Variants in SHANK2 observed in about 807,000 individuals in gnomAD.
SHANK2 encodes SH3 and multiple ankyrin repeat domains 2, also known as SH3 and multiple ankyrin repeat domains protein 2.
Under a neutral mutation model 133.7 loss-of-function variants are expected in SHANK2, and 43 were observed. The ratio of observed to expected loss-of-function variants is 0.32; its 90% CI spans 0.25 to 0.41. SHANK2 has a LOEUF of 0.41. SHANK2 is among the 10% of genes least tolerant of loss of function. SHANK2 has a pLI of 1.00. For synonymous variants in SHANK2, 1,017 were observed against 952.8 expected (o/e 1.07, Z -1.24); for missense variants, 1,994 against 2,235.8 (o/e 0.89, Z 2.18).
intron 17 of SHANK2, among the ~76,000 whole-genome samples, chr11:70,589,685 A>T (rs1243667508): frequency 7.2e-5 from 11 of 152,236 alleles, no homozygotes; most frequent in Non-Finnish European, 1.6e-4. Context: ...CCTTCTGGAA[A>T]GGATTCACCA....
rs77483217 is a variant in SHANK2 at position 70,640,604 on chromosome 11, C to T, written c.2061+19224G>A. Reference sequence around the variant, plus strand: ...GAGAGGACTGCACGAAGCTGAGGCCCGAGCCCTGACCTGGGATCACAGGCA... The same window carrying T: ...GAGAGGACTGCACGAAGCTGAGGCCTGAGCCCTGACCTGGGATCACAGGCA... On this transcript the variant is annotated intron_variant, in intron 17 of 25. Transcript: ENST00000601538. Among the ~76,000 whole-genome samples, 130 of 152,358 alleles carry T rather than the reference C, an allele frequency of 8.5e-4. No individual in the cohort carries two copies. In the East Asian group the frequency reaches 0.022, roughly 26 times the overall value.
chr11:70,784,343 GTTTTTTTT>G (rs71049942), intron 14 of SHANK2, among the ~76,000 whole-genome samples: 15 of 42,846 alleles, frequency 3.5e-4, no homozygotes, highest in Admixed American at 4.7e-4. Flanking sequence ...ACACCGGCTA[GTTTTTTTT>G]TTTTTTTTTT....
rs573362949 is a variant in SHANK2 at position 70,551,430 on chromosome 11, C to T, written c.2062-48499G>A. Among the ~76,000 whole-genome samples, 370 of 151,434 alleles carry T rather than the reference C, an allele frequency of 2.4e-3. 1 individual carries two copies. The highest frequency in any genetic ancestry group is 6.6e-3 in the Admixed American group (100 of 15,204). On this transcript the variant is annotated intron_variant, in intron 17 of 25. Coordinates refer to ENST00000601538, the MANE Select transcript of SHANK2 (RefSeq NM_012309.5). ...TTGTGGGCAGAATTCTCAAAACATT[C>T]CTACCACATGCAGAATGTCACACCT... is the stretch of plus-strand genomic sequence containing the variant.
chr11:70,933,685 C>T (rs1239057161), intron 10 of SHANK2, among the ~76,000 whole-genome samples: 1 of 151,844 alleles, frequency 6.6e-6, no homozygotes, highest in African/African-American at 2.4e-5. Flanking sequence ...TTTGGGAGGC[C>T]GAGGCGGATG....
chr11:70,935,002 G>A (rs553916007), intron 10 of SHANK2, among the ~76,000 whole-genome samples: 2 of 152,290 alleles, frequency 1.3e-5, no homozygotes, highest in African/African-American at 2.4e-5. Context: ...CTCTCTCCAC[G>A]GGTAAACGGC....
intron 2 of SHANK2, 86 bp downstream of exon 2, chr11:71,224,611 A>G (rs886434567): frequency 6.6e-6 from 1 of 152,300 alleles, no homozygotes; most frequent in Non-Finnish European, 1.5e-5. Flanking sequence ...CCCTGGCCAC[A>G]GTGCAAAGGT....
At chr11:70,910,991 C>T (rs1297432169) in intron 10 of SHANK2, 1 of 457,108 alleles carries the variant, frequency 2.2e-6, no homozygotes, top group East Asian at 7.0e-5. Flanking sequence ...GCATCCCTCT[C>T]TAAACACCTC....
intron 11 of SHANK2, among the ~76,000 whole-genome samples, chr11:70,822,759 C>T (rs9735181): frequency 6.5e-5 from 3 of 46,392 alleles, no homozygotes; most frequent in East Asian, 6.8e-4. Flanking sequence ...AGAGGTGGCG[C>T]TGGCAGAGGT....
At chr11:71,233,040 A>G (rs1954769393) in intron 1 of SHANK2, among the ~76,000 whole-genome samples, 1 of 152,142 alleles carries the variant, frequency 6.6e-6, no homozygotes, top group African/African-American at 2.4e-5. Flanking sequence ...GGCCAGCCAC[A>G]GTGACTCACA....
At chr11:70,682,594 T>C (rs1470420406) in intron 15 of SHANK2, among the ~76,000 whole-genome samples, 3 of 152,166 alleles carry the variant, frequency 2.0e-5, no homozygotes, top group African/African-American at 4.8e-5. Flanking sequence ...TTTGAATATC[T>C]TGAGATGGAA....
intron 2 of SHANK2, among the ~76,000 whole-genome samples, chr11:71,181,835 G>A (rs782696852): frequency 1.8e-5 from 2 of 108,414 alleles, no homozygotes; most frequent in Non-Finnish European, 3.8e-5. Flanking sequence ...CCCCTCCCCC[G>A]CCAACCCAGA....
intron 17 of SHANK2, among the ~76,000 whole-genome samples, chr11:70,632,191 G>A (rs535103796): frequency 3.5e-4 from 53 of 152,194 alleles, no homozygotes; most frequent in African/African-American, 1.1e-3. Flanking sequence ...GCGCGATCTC[G>A]GCTCACTGCA....
intron 14 of SHANK2, among the ~76,000 whole-genome samples, chr11:70,791,479 T>A (rs949810473): frequency 3.3e-5 from 5 of 152,180 alleles, no homozygotes; most frequent in African/African-American, 1.2e-4. Context: ...ATTTTATAAA[T>A]CTGGGCATGC....
intron 17 of SHANK2, among the ~76,000 whole-genome samples, chr11:70,629,604 C>T (rs571650433): frequency 8.7e-4 from 132 of 152,192 alleles, no homozygotes; most frequent in Non-Finnish European, 1.5e-3. Context: ...TAAGGGCCTC[C>T]GAACTGCTGC....
intron 17 of SHANK2, among the ~76,000 whole-genome samples, chr11:70,611,020 C>A (rs536451504): frequency 2.6e-5 from 4 of 152,188 alleles, no homozygotes; most frequent in Non-Finnish European, 4.4e-5. Flanking sequence ...TCCCTTTGAA[C>A]GTCCAGAAAA....
chr11:70,634,314 A>G (rs2061041687), intron 17 of SHANK2: 1 of 152,116 alleles, frequency 6.6e-6, no homozygotes, highest in East Asian at 1.9e-4. Context: ...AAAAAAGAAT[A>G]AAAAGGTCCG....
intron 2 of SHANK2, among the ~76,000 whole-genome samples, chr11:71,198,856 A>G (rs1220565352): frequency 2.6e-5 from 4 of 152,196 alleles, no homozygotes; most frequent in Admixed American, 2.6e-4. Context: ...GCCGTGGCTC[A>G]TGGAGGCCTG....
chr11:70,885,716 G>A (rs1019728636), intron 11 of SHANK2, among the ~76,000 whole-genome samples: 4 of 152,278 alleles, frequency 2.6e-5, no homozygotes, highest in South Asian at 2.1e-4. Context: ...CAATTGCCCC[G>A]GGAGCACCAT....
chr11:71,086,988 C>T (rs1421239528), intron 8 of SHANK2, among the ~76,000 whole-genome samples: 5 of 152,180 alleles, frequency 3.3e-5, no homozygotes, highest in African/African-American at 4.8e-5. Flanking sequence ...GGGCAGTGAA[C>T]GCACCTGGCT....
Sources: allele counts gnomAD v4.1 joint callset (sites outside exome capture counted in the v4.1 genomes callset), GRCh38; gene constraint gnomAD v4.1.1; transcripts MANE v1.5; gene names NCBI Gene and HGNC (gene_info 2026-07-23, HGNC 2026-07-21).